NOX4: variants seen among roughly 807,000 people sequenced by gnomAD.
NOX4 encodes the protein NADPH oxidase 4.
Under a neutral mutation model 87.6 loss-of-function variants are expected in NOX4, and 69 were observed. The observed-to-expected ratio is 0.79, with a 90% CI of 0.65 to 0.96. The LOEUF (loss-of-function observed/expected upper bound fraction) is 0.96. NOX4 is among the 40% of genes least tolerant of loss of function. NOX4 has a pLI of 0.00. For missense variants in NOX4, 680 were observed against 681.5 expected (o/e 1.00, Z 0.02); for synonymous variants, 275 against 238.2 (o/e 1.15, Z -1.42).
chr11:89,399,663 T>G (rs1396131622), intron 11 of NOX4, among the ~76,000 whole-genome samples: 1 of 150,506 alleles, frequency 6.6e-6, no homozygotes, highest in East Asian at 2.0e-4. Flanking sequence ...CAGTGTCTCC[T>G]TATGTTTCTC....
chr11:89,368,415 G>A (rs1426947965), intron 12 of NOX4, among the ~76,000 whole-genome samples: 1 of 152,030 alleles, frequency 6.6e-6, no homozygotes, highest in Non-Finnish European at 1.5e-5. Context: ...CAGTTCTAAA[G>A]GCTGGGAAGT....
chr11:89,495,258 T>G (rs1311500925), upstream of NOX4, among the ~76,000 whole-genome samples: 2 of 152,178 alleles, frequency 1.3e-5, no homozygotes, highest in East Asian at 3.9e-4. Context: ...ATTACATGCA[T>G]GAGCCACTGC....
intron 11 of NOX4, among the ~76,000 whole-genome samples, chr11:89,376,675 G>A (rs1939863570): frequency 1.3e-5 from 2 of 152,148 alleles, no homozygotes. Flanking sequence ...AAGGTCATGA[G>A]TTCAAGACCA....
At chr11:89,447,169 T>C (rs1423633271) in intron 4 of NOX4, among the ~76,000 whole-genome samples, 2 of 152,126 alleles carry the variant, frequency 1.3e-5, no homozygotes, top group Non-Finnish European at 2.9e-5. Flanking sequence ...GACACAACTA[T>C]GGCACAGGTA....
chr11:89,569,191 A>C, the NOX4 span, among the ~76,000 whole-genome samples: 5 of 152,168 alleles, frequency 3.3e-5, no homozygotes, highest in Non-Finnish European at 2.9e-5. Flanking sequence ...TTGAAAAAAA[A>C]AAAACAAAAA....
At chr11:89,330,552 T>C (rs1240804975) in intron 17 of NOX4, among the ~76,000 whole-genome samples, 2 of 151,696 alleles carry the variant, frequency 1.3e-5, no homozygotes, top group Non-Finnish European at 2.9e-5. Flanking sequence ...GAATTTGCTT[T>C]TCTAACAAGA....
At chr11:89,501,811 C>T (rs2135512258), upstream of NOX4, among the ~76,000 whole-genome samples, 1 of 152,166 alleles carries the variant, frequency 6.6e-6, no homozygotes, top group Admixed American at 6.6e-5. Context: ...ACCCAAACAA[C>T]TAATACATCA....
Position 89,334,148 on chromosome 11 carries a change from C to CA in NOX4, c.1616+1696dup, listed in dbSNP as rs200821120. 8.9e-4 allele frequency among the ~76,000 whole-genome samples: 135 copies of CA among 151,568 alleles called. 2 individuals are homozygous for CA. In the East Asian group the frequency reaches 0.023, roughly 26 times the overall value. On this transcript the variant is annotated intron_variant, in intron 17 of 17. Transcript: ENST00000263317. ...TTCAGCAATATACAGTGAAAATCAA[C>CA]AAAAAAATTCTTGTCAGAAGTCAGT...
the NOX4 span, among the ~76,000 whole-genome samples, chr11:89,579,876 T>G: frequency 2.6e-5 from 4 of 152,134 alleles, no homozygotes; most frequent in South Asian, 8.3e-4. Flanking sequence ...AGAAATTGCC[T>G]TTGTCTGGAG....
At chr11:89,427,617 T>C (rs1943510077) in intron 7 of NOX4, among the ~76,000 whole-genome samples, 1 of 152,060 alleles carries the variant, frequency 6.6e-6, no homozygotes, top group African/African-American at 2.4e-5. Context: ...GAAGAAAGGG[T>C]ATCAGTGATT....
intron 11 of NOX4, among the ~76,000 whole-genome samples, chr11:89,392,888 T>C (rs1232024909): frequency 1.3e-5 from 2 of 152,126 alleles, no homozygotes; most frequent in African/African-American, 4.8e-5. Context: ...ATGAGTACTT[T>C]AGCAGAATCC....
chr11:89,354,564 G>A (rs1937857823), intron 13 of NOX4, among the ~76,000 whole-genome samples: 1 of 152,072 alleles, frequency 6.6e-6, no homozygotes. Context: ...CTAGCCCACG[G>A]CTATTTTGAA....
chr11:89,368,964 C>G (rs192728114), intron 12 of NOX4, among the ~76,000 whole-genome samples: 2 of 152,046 alleles, frequency 1.3e-5, no homozygotes, highest in Admixed American at 6.6e-5. Context: ...AAAATACTCT[C>G]TTACTTTTAT....
At chr11:89,383,872 A>G (rs2135105971) in intron 11 of NOX4, among the ~76,000 whole-genome samples, 1 of 152,074 alleles carries the variant, frequency 6.6e-6, no homozygotes, top group East Asian at 1.9e-4. Flanking sequence ...ACCTTAATCC[A>G]CAAGTATAGG....
At chr11:89,399,566 C>G in intron 11 of NOX4, among the ~76,000 whole-genome samples, 1 of 148,884 alleles carries the variant, frequency 6.7e-6, no homozygotes, top group East Asian at 2.0e-4. Context: ...GGGGCTCAAG[C>G]AATCCTCCTG....
intron 11 of NOX4, among the ~76,000 whole-genome samples, chr11:89,386,905 C>T (rs528840132): frequency 5.3e-5 from 8 of 152,216 alleles, no homozygotes; most frequent in Admixed American, 1.3e-4. Context: ...GACCTTGTGT[C>T]TTCTGTTTAG....
At chr11:89,352,914 G>T (rs1197710518) in intron 13 of NOX4, among the ~76,000 whole-genome samples, 2 of 152,080 alleles carry the variant, frequency 1.3e-5, no homozygotes, top group Non-Finnish European at 2.9e-5. Context: ...CCACCTCCTC[G>T]GTTCAAGCAA....
intron 6 of NOX4, among the ~76,000 whole-genome samples, chr11:89,439,542 G>A (rs1944366686): frequency 6.6e-6 from 1 of 152,086 alleles, no homozygotes; most frequent in African/African-American, 2.4e-5. Flanking sequence ...GAAAAATAAT[G>A]CATTTGCCAG....
chr11:89,422,567 A>G (rs1239523312), intron 7 of NOX4, among the ~76,000 whole-genome samples: 1 of 152,132 alleles, frequency 6.6e-6, no homozygotes, highest in Non-Finnish European at 1.5e-5. Flanking sequence ...AGTAAAAGAG[A>G]AACAGTTATT....
Sources: allele counts gnomAD v4.1 joint callset (sites outside exome capture counted in the v4.1 genomes callset), GRCh38; gene constraint gnomAD v4.1.1; transcripts MANE v1.5; gene names NCBI Gene and HGNC (gene_info 2026-07-23, HGNC 2026-07-21).